Variants in DAB1 observed in about 807,000 individuals in gnomAD.
The protein encoded by DAB1 is DAB adaptor protein 1, also known as disabled homolog 1.
A neutral mutation model predicts 64.6 loss-of-function variants in DAB1; 15 were observed. The observed-to-expected ratio is 0.23, with a 90% CI of 0.16 to 0.36. DAB1 has a LOEUF of 0.36. Ranked by LOEUF, DAB1 falls within the 10% of genes least tolerant of loss-of-function variation. DAB1 has a pLI of 1.00. For synonymous variants in DAB1, 235 were observed against 251.9 expected (o/e 0.93, Z 0.64); for missense variants, 596 against 706.7 (o/e 0.84, Z 1.78).
intron 7 of DAB1, chr1:57,606,046 A>AC: frequency 1.7e-6 from 1 of 605,496 alleles, no homozygotes; most frequent in Non-Finnish European, 3.0e-6. Flanking sequence ...AGGTATTCAA[A>AC]CTGGTCCTTT....
downstream of DAB1, among the ~76,000 whole-genome samples, chr1:57,824,298 C>T (rs1652250431): frequency 6.6e-6 from 1 of 152,104 alleles, no homozygotes. Context: ...TGGGGGTTCA[C>T]CTTCCATGCT....
chr1:57,527,119 A>T (rs369974197), intron 7 of DAB1, among the ~76,000 whole-genome samples: 33 of 152,250 alleles, frequency 2.2e-4, no homozygotes, highest in African/African-American at 7.5e-4. Context: ...TCTTAACATA[A>T]GCCTCCTTAG....
chr1:58,539,393 G>A (rs1204788139), intron 1 of DAB1: 7 of 662,854 alleles, frequency 1.1e-5, no homozygotes, highest in Non-Finnish European at 1.8e-5. Flanking sequence ...AAATAGGCGT[G>A]TCAGTTGTTC....
intron 7 of DAB1, among the ~76,000 whole-genome samples, chr1:57,447,794 C>T (rs1219474725): frequency 1.3e-5 from 2 of 152,096 alleles, no homozygotes; most frequent in Non-Finnish European, 2.9e-5. Flanking sequence ...CAGCAGCCAG[C>T]CAGGCAGGAC....
chr1:57,741,377 G>T (rs3118039), intron 6 of DAB1, among the ~76,000 whole-genome samples: 11,989 of 152,102 alleles, frequency 0.079, 1,355 homozygotes, highest in African/African-American at 0.25. Flanking sequence ...AGGTACTATT[G>T]TTATTCCCAT....
rs1052057814 is a variant in DAB1 at position 57,701,084 on chromosome 1, G to A, written n.552-51419C>T. Among the ~76,000 whole-genome samples, 24 of 151,948 alleles carry A rather than the reference G, an allele frequency of 1.6e-4. 1 individual carries two copies. Among genetic ancestry groups the A allele is most frequent in the Non-Finnish European group, 2.8e-4 (19 of 68,034 alleles). ...TGCTGGAGAGGATGTGGAGAAACAG[G>A]AACACTTTTACACTGTTGGTGGGAC... On this transcript the variant is annotated intron_variant and non_coding_transcript_variant, in intron 6 of 20. Coordinates refer to the DAB1 transcript ENST00000485760.
chr1:58,220,508 T>C (rs1659102076), intron 4 of DAB1, among the ~76,000 whole-genome samples: 1 of 152,152 alleles, frequency 6.6e-6, no homozygotes, highest in South Asian at 2.1e-4. Flanking sequence ...AGGTGGAAGG[T>C]AGAAGAGAGC....
At chr1:57,871,716 C>T (rs1433362974) in intron 1 of DAB1, among the ~76,000 whole-genome samples, 1 of 152,160 alleles carries the variant, frequency 6.6e-6, no homozygotes, top group Non-Finnish European at 1.5e-5. Context: ...TAAAAATATG[C>T]AGCTTGCAAC....
intron 4 of DAB1, among the ~76,000 whole-genome samples, chr1:58,286,067 A>G (rs1661672694): frequency 2.0e-5 from 3 of 151,230 alleles, no homozygotes; most frequent in Admixed American, 6.6e-5. Flanking sequence ...CATTGGGGAA[A>G]GGATTCCCTA....
intron 4 of DAB1, among the ~76,000 whole-genome samples, chr1:57,078,881 A>T (rs1046318446): frequency 6.6e-6 from 1 of 152,198 alleles, no homozygotes; most frequent in African/African-American, 2.4e-5. Flanking sequence ...TTGAGTACAA[A>T]ATATTCCCTG....
chr1:58,410,909 C>A (rs1432267266), intron 3 of DAB1, among the ~76,000 whole-genome samples: 1 of 152,180 alleles, frequency 6.6e-6, no homozygotes, highest in African/African-American at 2.4e-5. Flanking sequence ...CATGACACTG[C>A]CAGAGTTATT....
chr1:58,423,735 G>C lies in DAB1; in HGVS notation n.258-80332C>G, dbSNP rs141416472. 3.1e-3 allele frequency among the ~76,000 whole-genome samples: 469 copies of C among 152,290 alleles called. 3 individuals carry two copies. The highest frequency in any genetic ancestry group is 0.011 in the African/African-American group (440 of 41,556). On this transcript the variant is annotated intron_variant and non_coding_transcript_variant, in intron 3 of 20. Coordinates refer to the DAB1 transcript ENST00000485760. Reference sequence around the variant, plus strand: ...CAGCTCCTGCCAGGTGACCTTCTTCGTGGGCTCCAGTAACACCACCATCTT... The same window carrying C: ...CAGCTCCTGCCAGGTGACCTTCTTCCTGGGCTCCAGTAACACCACCATCTT...
At chr1:58,380,406 G>A (rs576091609) in intron 3 of DAB1, among the ~76,000 whole-genome samples, 3 of 152,282 alleles carry the variant, frequency 2.0e-5, no homozygotes, top group East Asian at 3.9e-4. Context: ...CCAGCCATGC[G>A]GAACTGTGAG....
intron 5 of DAB1, among the ~76,000 whole-genome samples, chr1:57,996,018 G>A (rs1646419305): frequency 6.6e-6 from 1 of 152,150 alleles, no homozygotes. Context: ...CAGCACTTTG[G>A]AAGACCGAGG....
chr1:58,037,092 G>A (rs185577527), intron 5 of DAB1, among the ~76,000 whole-genome samples: 52 of 152,052 alleles, frequency 3.4e-4, no homozygotes, highest in Admixed American at 1.3e-3. Flanking sequence ...CCCTTAGACC[G>A]CTATCATTTT....
chr1:58,442,163 A>T lies in DAB1; in HGVS notation n.257+63897T>A, dbSNP rs370015810. ...TATGTGTGTGCGTGAATGTGCATGC[A>T]TGTGCACGTATGTGTGCATGAATGC... On this transcript the variant is annotated intron_variant and non_coding_transcript_variant, in intron 3 of 20. Transcript: ENST00000485760. 1.8e-3 allele frequency among the ~76,000 whole-genome samples: 278 copies of T among 152,316 alleles called. 6 individuals are homozygous for T. In the South Asian group the frequency reaches 0.053, roughly 29 times the overall value.
chr1:58,469,661 G>A (rs547308522), intron 3 of DAB1, among the ~76,000 whole-genome samples: 6 of 152,254 alleles, frequency 3.9e-5, no homozygotes, highest in East Asian at 1.9e-4. Flanking sequence ...AGTCCCAAGC[G>A]CTTACAAGGC....
At chr1:57,473,029 ACTACT>A (rs1687197337) in intron 7 of DAB1, among the ~76,000 whole-genome samples, 1 of 152,160 alleles carries the variant, frequency 6.6e-6, no homozygotes, top group African/African-American at 2.4e-5. Context: ...GAATGCCTTG[ACTACT>A]CTAGAAAGAT....
chr1:57,818,756 TTA>T (rs140290222), intron 6 of DAB1, among the ~76,000 whole-genome samples: 2,658 of 148,210 alleles, frequency 0.018, 86 homozygotes, highest in African/African-American at 0.062. Flanking sequence ...AATAACTACA[TTA>T]TATATATATA....
Sources: gnomAD v4.1 joint callset for allele counts (sites outside exome capture counted in the v4.1 genomes callset) on GRCh38, gnomAD v4.1.1 for gene constraint, MANE v1.5 for transcripts, NCBI Gene and HGNC (gene_info 2026-07-23, HGNC 2026-07-21) for gene names.